CPQ: variants seen among roughly 807,000 people sequenced by gnomAD.
CPQ encodes the protein Ser-Met dipeptidase.
CPQ carries 37 observed loss-of-function variants against 45.7 expected under a neutral mutation model. The ratio of observed to expected loss-of-function variants is 0.81; its 90% CI spans 0.62 to 1.07. The LOEUF is 1.07. Ranked by LOEUF, CPQ falls within the 50% of genes least tolerant of loss-of-function variation. The pLI is 0.00. For missense variants in CPQ, 537 were observed against 572.9 expected, an observed-to-expected ratio of 0.94 and a Z score of 0.64; for synonymous variants, 186 against 205.8, an observed-to-expected ratio of 0.90 and a Z score of 0.82.
chr8:96,653,789 G>A (rs1031978537), intron 1 of CPQ, among the ~76,000 whole-genome samples: 6 of 152,266 alleles, frequency 3.9e-5, no homozygotes, highest in African/African-American at 1.4e-4. Flanking sequence ...AGGAGGAGGA[G>A]GAAGAGAAGG....
At chr8:96,828,031 C>CA (rs1195721422) in intron 2 of CPQ, among the ~76,000 whole-genome samples, 1 of 152,022 alleles carries the variant, frequency 6.6e-6, no homozygotes, top group African/African-American at 2.4e-5. Context: ...CCTCATAAAA[C>CA]AATCATTACA....
chr8:96,893,468 C>T (rs1446702979), intron 4 of CPQ, among the ~76,000 whole-genome samples: 1 of 152,224 alleles, frequency 6.6e-6, no homozygotes, highest in Non-Finnish European at 1.5e-5. Flanking sequence ...GGGCCTGCAG[C>T]ACTGTGTCCT....
rs375722823 is a variant in CPQ at position 96,785,334 on chromosome 8, T to A, written c.433+4T>A. ...AGCATTGGGACTCCTCCAGAAGGTA[T>A]TGTTTGTCTTTTCAGTTTGATTTGT... is the stretch of plus-strand genomic sequence containing the variant. On this transcript the variant is annotated splice_donor_region_variant and intron_variant, in intron 2 of 7. Transcript: ENST00000220763. 21 of 1,575,430 alleles carry A rather than the reference T, an allele frequency of 1.3e-5. No homozygotes were observed. The African/African-American group carries it at 2.9e-4, about 22-fold the overall frequency.
chr8:96,751,617 G>T (rs1179137333), intron 1 of CPQ, among the ~76,000 whole-genome samples: 1 of 152,072 alleles, frequency 6.6e-6, no homozygotes, highest in Non-Finnish European at 1.5e-5. Context: ...AGTTTCTTTT[G>T]CTGTGCAGAA....
chr8:96,961,175 G>A (rs1813455847), intron 4 of CPQ, among the ~76,000 whole-genome samples: 1 of 152,192 alleles, frequency 6.6e-6, no homozygotes, highest in Non-Finnish European at 1.5e-5. Context: ...GAGTGGATAA[G>A]AATTCCTATT....
intron 1 of CPQ, among the ~76,000 whole-genome samples, chr8:96,646,208 G>C (rs1815518761): frequency 6.6e-6 from 1 of 151,958 alleles, no homozygotes; most frequent in African/African-American, 2.4e-5. Context: ...GTTCTATGCT[G>C]TTCAAATGGT....
In CPQ at chr8:97,143,468, G is replaced by A; in HGVS notation, c.*285G>A. 1 of 229,828 alleles carries A rather than the reference G, an allele frequency of 4.4e-6. No individual in the cohort carries two copies. The highest frequency in any genetic ancestry group is 8.5e-6 in the Non-Finnish European group (1 of 117,218). 14.2% of individuals were successfully genotyped at this position (229,828 alleles called of 1,614,324 possible). On this transcript the variant is annotated 3_prime_UTR_variant, in exon 8 of 8. Coordinates refer to ENST00000220763, the MANE Select transcript of CPQ (RefSeq NM_016134.4). Reference sequence around the variant, plus strand: ...TAAAAACATTGTTTCCACTTTAAAAGTAAACACTTAATAAATTTTTGGAAG... The same window carrying A: ...TAAAAACATTGTTTCCACTTTAAAAATAAACACTTAATAAATTTTTGGAAG...
chr8:96,846,389 GAT>G (rs1254053145), intron 3 of CPQ, among the ~76,000 whole-genome samples: 1 of 152,148 alleles, frequency 6.6e-6, no homozygotes, highest in Non-Finnish European at 1.5e-5. Flanking sequence ...TCCGTAGTCA[GAT>G]ATATGTTTTG....
intron 2 of CPQ, among the ~76,000 whole-genome samples, chr8:96,816,366 A>G (rs1181196337): frequency 6.6e-6 from 1 of 152,140 alleles, no homozygotes; most frequent in Non-Finnish European, 1.5e-5. Flanking sequence ...TCATATCTTC[A>G]GGCTCCACTT....
chr8:96,761,031 A>AT (rs1810395348), intron 1 of CPQ: 1 of 152,172 alleles, frequency 6.6e-6, no homozygotes, highest in Admixed American at 6.5e-5. Flanking sequence ...GTGGCTGAGC[A>AT]TTTTGCCTGA....
intron 1 of CPQ, among the ~76,000 whole-genome samples, chr8:96,725,535 T>A (rs1809825028): frequency 6.6e-6 from 1 of 152,122 alleles, no homozygotes; most frequent in Admixed American, 6.6e-5. Context: ...CACGATGAAA[T>A]ACCATCTCAC....
intron 6 of CPQ, among the ~76,000 whole-genome samples, chr8:97,063,558 A>G (rs112868405): frequency 0.019 from 2,897 of 152,212 alleles, 98 homozygotes; most frequent in African/African-American, 0.067. Context: ...TCCTATGTCC[A>G]GAATGGTATG....
intron 1 of CPQ, among the ~76,000 whole-genome samples, chr8:96,651,815 A>G (rs1430971148): frequency 6.6e-6 from 1 of 152,058 alleles, no homozygotes; most frequent in Non-Finnish European, 1.5e-5. Context: ...TGCATTAATA[A>G]GTTCTTTTTT....
chr8:96,694,912 G>A (rs138931862), intron 1 of CPQ, among the ~76,000 whole-genome samples: 1,793 of 152,162 alleles, frequency 0.012, 47 homozygotes, highest in African/African-American at 0.039. Context: ...AGCTTGATGA[G>A]GATGGCATTG....
intron 2 of CPQ, among the ~76,000 whole-genome samples, chr8:96,822,871 T>A (rs780843682): frequency 6.6e-6 from 1 of 152,056 alleles, no homozygotes; most frequent in Non-Finnish European, 1.5e-5. Flanking sequence ...CCTGATCACC[T>A]AATACAAAGA....
At chr8:96,726,723 T>A (rs1203166972) in intron 1 of CPQ, among the ~76,000 whole-genome samples, 1 of 152,092 alleles carries the variant, frequency 6.6e-6, no homozygotes, top group Non-Finnish European at 1.5e-5. Context: ...CAACTGAACA[T>A]GAGATTGGGT....
intron 1 of CPQ, among the ~76,000 whole-genome samples, chr8:96,689,022 A>C (rs1370934213): frequency 6.6e-6 from 1 of 152,198 alleles, no homozygotes; most frequent in Non-Finnish European, 1.5e-5. Flanking sequence ...TAGCAGCATA[A>C]GAGACAGAGA....
In CPQ at chr8:96,974,018, T is replaced by A. The variant is rs576117377; in HGVS notation, c.961+7972T>A. Reference sequence around the variant, plus strand: ...GATGAATAAAATAGTACCTCACATGTCAATACTAACATTGATTGTAAATGG... The same window carrying A: ...GATGAATAAAATAGTACCTCACATGACAATACTAACATTGATTGTAAATGG... On this transcript the variant is annotated intron_variant, in intron 5 of 7. Transcript: ENST00000220763. Among the ~76,000 whole-genome samples the A allele has an allele frequency of 5.3e-5, 8 of 152,272 alleles. No individual in the cohort carries two copies. In the East Asian group the frequency reaches 1.5e-3, roughly 29 times the overall value.
chr8:96,809,500 C>T (rs878884579), intron 2 of CPQ, among the ~76,000 whole-genome samples: 1 of 152,106 alleles, frequency 6.6e-6, no homozygotes, highest in African/African-American at 2.4e-5. Flanking sequence ...AAACATTACG[C>T]ACCATATGAT....
Sources: gnomAD v4.1 joint callset for allele counts (sites outside exome capture counted in the v4.1 genomes callset) on GRCh38, gnomAD v4.1.1 for gene constraint, MANE v1.5 for transcripts, NCBI Gene and HGNC (gene_info 2026-07-23, HGNC 2026-07-21) for gene names.